The following DOCK1 variants were observed in gnomAD, a reference collection of about 807,000 sequenced individuals.
DOCK1 encodes dedicator of cytokinesis 1, also known as dedicator of cytokinesis protein 1.
In DOCK1, 138 loss-of-function variants were observed where a neutral mutation model predicts 262.7. That is an observed-to-expected ratio of 0.53 (90% confidence interval 0.46 to 0.61). The LOEUF (loss-of-function observed/expected upper bound fraction) is 0.61. Ranked by LOEUF, DOCK1 falls within the 20% of genes least tolerant of loss-of-function variation. The pLI is 0.00. For synonymous variants in DOCK1, 866 were observed against 867.4 expected, an observed-to-expected ratio of 1.00 and a Z score of 0.03; for missense variants, 1,908 against 2,370.7, an observed-to-expected ratio of 0.80 and a Z score of 4.05.
chr10:126,923,546 C>T (rs2033408199), intron 1 of DOCK1, among the ~76,000 whole-genome samples: 1 of 152,200 alleles, frequency 6.6e-6, no homozygotes, highest in African/African-American at 2.4e-5. Flanking sequence ...ATCGCTTGAA[C>T]CCGGGAGGCG....
At chr10:126,941,571 A>C (rs1160275159) in intron 1 of DOCK1, among the ~76,000 whole-genome samples, 1 of 152,138 alleles carries the variant, frequency 6.6e-6, no homozygotes, top group African/African-American at 2.4e-5. Flanking sequence ...CCTGGCTAAC[A>C]CGGTGAAACC....
rs1014005001 is a variant in DOCK1 at position 126,941,307 on chromosome 10, T to C, written c.47-29395T>C. Among the ~76,000 whole-genome samples the C allele has an allele frequency of 4.1e-4, 62 of 152,358 alleles. 1 individual carries two copies. The highest frequency in any genetic ancestry group is 3.9e-4 in the Admixed American group (6 of 15,304). ...ATGCTATACTGTGTAAAGAAACCTC[T>C]AAAAACCAGTTTAAAAAGATTGTTT... On this transcript the variant is annotated intron_variant, in intron 1 of 51. Transcript: ENST00000623213.
At chr10:127,208,218 TG>T (rs1281823417) in intron 27 of DOCK1, among the ~76,000 whole-genome samples, 1 of 152,208 alleles carries the variant, frequency 6.6e-6, no homozygotes, top group African/African-American at 2.4e-5. Context: ...GCTCCAGTTA[TG>T]GGAACTAAAG....
chr10:127,188,209 G>A (rs1396018703), intron 27 of DOCK1, among the ~76,000 whole-genome samples: 1 of 152,152 alleles, frequency 6.6e-6, no homozygotes, highest in African/African-American at 2.4e-5. Flanking sequence ...GGGCTGTGCT[G>A]TGCACAAACA....
intron 40 of DOCK1, among the ~76,000 whole-genome samples, chr10:127,405,637 A>G (rs1051922721): frequency 2.0e-5 from 3 of 152,068 alleles, no homozygotes; most frequent in African/African-American, 7.2e-5. Context: ...GGAGTCACTA[A>G]TAGTGTGACA....
chr10:127,276,815 A>T lies in DOCK1; in HGVS notation c.3044+19386A>T, dbSNP rs137889103. 3.6e-3 allele frequency among the ~76,000 whole-genome samples: 493 copies of T among 136,000 alleles called. 1 individual carries two copies. The highest frequency in any genetic ancestry group is 0.011 in the Middle Eastern group (3 of 272). 89.2% of individuals were successfully genotyped at this position (136,000 alleles called of 152,430 possible). A position where few individuals can be genotyped will look rare whatever the true frequency, so the allele number is the denominator to read the frequency against. ...TTCCAATTCCTCTATTGCAGAATGC[A>T]TGCAGGGAATTTAGAAATCACATGG... On this transcript the variant is annotated intron_variant, in intron 29 of 51. Coordinates refer to ENST00000623213, the MANE Select transcript of DOCK1 (RefSeq NM_001290223.2).
At chr10:127,109,661 T>A (rs1019156213) in intron 24 of DOCK1, among the ~76,000 whole-genome samples, 1 of 152,220 alleles carries the variant, frequency 6.6e-6, no homozygotes, top group African/African-American at 2.4e-5. Context: ...TTCTTCTACT[T>A]AGCATAAAGT....
chr10:127,020,138 G>A (rs1209123238), intron 13 of DOCK1, among the ~76,000 whole-genome samples: 4 of 152,162 alleles, frequency 2.6e-5, no homozygotes, highest in Admixed American at 6.5e-5. Context: ...AAAGCATGAC[G>A]TTTAGTCAAT....
chr10:127,312,803 ATCAC>A (rs2062112452), intron 29 of DOCK1, among the ~76,000 whole-genome samples: 1 of 132,404 alleles, frequency 7.6e-6, no homozygotes, highest in African/African-American at 2.9e-5. Context: ...CCTCACAGCC[ATCAC>A]TCCCTCCCTC....
intron 10 of DOCK1, among the ~76,000 whole-genome samples, chr10:127,005,079 G>A (rs906288248): frequency 6.6e-6 from 1 of 152,098 alleles, no homozygotes; most frequent in African/African-American, 2.4e-5. Context: ...GCTCACACCT[G>A]TAATCCCAGC....
chr10:127,315,621 G>A (rs1348672743), intron 29 of DOCK1, among the ~76,000 whole-genome samples: 2 of 152,160 alleles, frequency 1.3e-5, no homozygotes, highest in Admixed American at 6.5e-5. Context: ...CAGCCCCAAC[G>A]AACTAATACG....
chr10:127,368,102 C>T (rs1182837578), intron 33 of DOCK1, among the ~76,000 whole-genome samples: 1 of 152,204 alleles, frequency 6.6e-6, no homozygotes, highest in Non-Finnish European at 1.5e-5. Flanking sequence ...AAGCTCCTGC[C>T]AGAACATGGC....
chr10:127,392,279 G>A (rs1345339388), intron 38 of DOCK1, among the ~76,000 whole-genome samples: 1 of 151,992 alleles, frequency 6.6e-6, no homozygotes, highest in South Asian at 2.1e-4. Flanking sequence ...CTGCATTTCT[G>A]AGAAGCTCCC....
chr10:127,397,099 A>AGCGTC (rs2066914941), intron 38 of DOCK1, among the ~76,000 whole-genome samples: 1 of 146,114 alleles, frequency 6.8e-6, no homozygotes, highest in South Asian at 2.2e-4. Context: ...TGATCTGAGC[A>AGCGTC]TCAGTTACAC....
intron 38 of DOCK1, 53 bp downstream of exon 38, chr10:127,384,962 G>T: frequency 6.7e-7 from 1 of 1,495,094 alleles, no homozygotes; most frequent in Non-Finnish European, 8.9e-7. Context: ...GCACCTACCT[G>T]CAGTGTTGTA....
chr10:127,447,622 T>C, intron 51 of DOCK1, 77 bp downstream of exon 51: 1 of 1,552,190 alleles, frequency 6.4e-7, no homozygotes, highest in South Asian at 1.2e-5. Flanking sequence ...TTCCAGATAC[T>C]AGCAGGTTTA....
chr10:127,041,651 A>T (rs367835472), intron 19 of DOCK1, among the ~76,000 whole-genome samples: 7 of 152,222 alleles, frequency 4.6e-5, no homozygotes, highest in African/African-American at 1.4e-4. Flanking sequence ...TTTTCATAGC[A>T]ATTGCACAAT....
chr10:127,277,090 G>C (rs530571207), intron 29 of DOCK1, among the ~76,000 whole-genome samples: 1 of 152,300 alleles, frequency 6.6e-6, no homozygotes, highest in Non-Finnish European at 1.5e-5. Context: ...TCTATATGGA[G>C]AACTGAGCTG....
chr10:127,397,042 A>T (rs796621816), intron 38 of DOCK1, among the ~76,000 whole-genome samples: 1,082 of 49,870 alleles, frequency 0.022, 6 homozygotes, highest in Middle Eastern at 0.058. Flanking sequence ...ACGGGCGGCG[A>T]CTCCTATGTG....
Sources: gnomAD v4.1 joint callset for allele counts (sites outside exome capture counted in the v4.1 genomes callset) on GRCh38, gnomAD v4.1.1 for gene constraint, MANE v1.5 for transcripts, NCBI Gene and HGNC (gene_info 2026-07-23, HGNC 2026-07-21) for gene names.